Variants in POGK observed in about 807,000 individuals in gnomAD.
POGK encodes pogo transposable element derived with KRAB domain.
Under a neutral mutation model 54.4 loss-of-function variants are expected in POGK, and 16 were observed. The ratio of observed to expected loss-of-function variants is 0.29; its 90% CI spans 0.20 to 0.45. The LOEUF is 0.45. Ranked by LOEUF, POGK falls within the 20% of genes least tolerant of loss-of-function variation. The pLI is 1.00. For missense variants in POGK, 515 were observed against 795.6 expected (o/e 0.65, Z 4.24); for synonymous variants, 271 against 302.2 (o/e 0.90, Z 1.07).
Position 166,848,116 on chromosome 1 carries a change from G to A in POGK, c.358+524G>A, listed in dbSNP as rs532834566. Among the ~76,000 whole-genome samples, 3 of 152,280 alleles carry A rather than the reference G, an allele frequency of 2.0e-5. No homozygotes were observed. The East Asian group carries it at 5.8e-4, about 29-fold the overall frequency. On this transcript the variant is annotated intron_variant, in intron 4 of 5. Coordinates refer to ENST00000367876, the MANE Select transcript of POGK (RefSeq NM_017542.5). ...AATAAATATAGCATTGCCTCCAGAC[G>A]GCCAAAATAGTTTTATCTTTTCTCC...
chr1:166,839,670 G>C (rs1417499317), intron 1 of POGK, 66 bp downstream of exon 1: 1 of 141,966 alleles, frequency 7.0e-6, no homozygotes, highest in Admixed American at 6.9e-5. Flanking sequence ...CGGCTGGGCC[G>C]CGGCAGAGGC....
rs1237575821 is a variant in POGK at position 166,841,029 on chromosome 1, G to A, written c.73G>A (p.Glu25Lys). 1.2e-6 allele frequency: 2 copies of A among 1,613,926 alleles called. No homozygotes were observed. Among genetic ancestry groups the A allele is most frequent in the Non-Finnish European group, 1.7e-6 (2 of 1,180,008 alleles). ...AGAGGAAGAAGAGATTCAGAGCCGG[G>A]AACTAGAGGACGGCCCGGCAGACAT... ...EEEEEEIQSRELEDGPADMQK... is the reference protein window; with the variant it reads ...EEEEEEIQSRKLEDGPADMQK... The change falls in exon 2 of 6, where the codon GAA becomes AAA. Residue 25 changes from glutamate (E) to lysine (K), a missense_variant. Transcript: ENST00000367876.
chr1:166,854,842 T>C lies in POGK; in HGVS notation c.*2272T>C, dbSNP rs1366200462. On this transcript the variant is annotated 3_prime_UTR_variant, in exon 6 of 6. Transcript: ENST00000367876. The stretch of plus-strand genomic sequence containing the variant: ...TAAAATTAGTCCTGACAATTTACAG[T>C]GCCCATAAAGTAGTAGTTGATTCTC... The C allele has an allele frequency of 6.6e-6, 1 of 152,148 alleles. No homozygotes were observed. Among genetic ancestry groups the C allele is most frequent in the Non-Finnish European group, 1.5e-5 (1 of 68,036 alleles). 9.4% of individuals were successfully genotyped at this position (152,148 alleles called of 1,614,324 possible).
chr1:166,844,092 A>G (rs1657731892), intron 2 of POGK, among the ~76,000 whole-genome samples: 1 of 152,172 alleles, frequency 6.6e-6, no homozygotes, highest in Admixed American at 6.5e-5. Flanking sequence ...AAGCCACTAC[A>G]CTGTGCCTCT....
intron 2 of POGK, among the ~76,000 whole-genome samples, chr1:166,845,751 G>A (rs557618516): frequency 6.6e-6 from 1 of 152,318 alleles, no homozygotes; most frequent in East Asian, 1.9e-4. Context: ...GATTTTTAAT[G>A]ACTGTAATAA....
At chr1:166,844,134 C>T (rs574557838) in intron 2 of POGK, among the ~76,000 whole-genome samples, 5 of 152,342 alleles carry the variant, frequency 3.3e-5, no homozygotes, top group African/African-American at 1.2e-4. Flanking sequence ...TGAAGATCCT[C>T]CGTGGCTCAG....
rs1297761553 is a variant in POGK at position 166,853,394 on chromosome 1, A to T, written c.*824A>T. 6.6e-6 allele frequency: 1 copy of T among 152,564 alleles called. No homozygotes were observed. Among genetic ancestry groups the T allele is most frequent in the Admixed American group, 6.5e-5 (1 of 15,276 alleles). 9.5% of individuals were successfully genotyped at this position (152,564 alleles called of 1,614,324 possible). A position where few individuals can be genotyped will look rare whatever the true frequency, so the allele number is the denominator to read the frequency against. On this transcript the variant is annotated 3_prime_UTR_variant, in exon 6 of 6. Transcript: ENST00000367876. ...TTGTTTCTCAGGCTGCCTGCAGAAG[A>T]AGTCGCTATAAATTATCTGTTGTCT...
At chr1:166,850,769 C>T (rs1052162811) in intron 5 of POGK, 4 of 176,360 alleles carry the variant, frequency 2.3e-5, no homozygotes, top group Admixed American at 1.8e-4. Context: ...GGATCTGAGG[C>T]GGAACAGTTT....
chr1:166,852,218 C>G (rs182983802), intron 5 of POGK: 2 of 152,312 alleles, frequency 1.3e-5, no homozygotes, highest in East Asian at 3.9e-4. Context: ...GCTTTTCCCT[C>G]TCCTTGTTAG....
In POGK at chr1:166,854,445, A is replaced by G. The variant is rs1181024559; in HGVS notation, c.*1875A>G. 3 of 152,408 alleles carry G rather than the reference A, an allele frequency of 2.0e-5. No homozygotes were observed. The highest frequency in any genetic ancestry group is 6.6e-5 in the Admixed American group (1 of 15,264). The allele number at this position is 152,408 out of a possible 1,614,324, so 9.4% of individuals were successfully genotyped here. On this transcript the variant is annotated 3_prime_UTR_variant, in exon 6 of 6. Transcript: ENST00000367876. The stretch of plus-strand genomic sequence containing the variant: ...TCCCTAGTAGATAGGAACTGACCCC[A>G]ACAATAAACTTTGATAATAAAGACA...
rs1657973372 is a variant in POGK, at chr1:166,849,484, G to C, written c.905G>C (p.Gly302Ala). 2 of 1,614,130 alleles carry C rather than the reference G, an allele frequency of 1.2e-6. No individual in the cohort carries two copies. Among genetic ancestry groups the C allele is most frequent in the Non-Finnish European group, 1.7e-6 (2 of 1,180,052 alleles). Reference protein sequence around the residue: ...IAQEMNIPEKGFKASLGWCRR... With the variant: ...IAQEMNIPEKAFKASLGWCRR... ...CAGGAAATGAACATTCCAGAGAAAGGGTTCAAGGCAAGCTTGGGTTGGTGT... is the reference window on the plus strand; with the variant it reads ...CAGGAAATGAACATTCCAGAGAAAGCGTTCAAGGCAAGCTTGGGTTGGTGT... Residue 302 changes from glycine (G) to alanine (A), a missense_variant, in exon 5 of 6, where the codon GGG (glycine) becomes GCG (alanine). By Grantham distance (60) the Gly-to-Ala change is moderately conservative (BLOSUM62 0). Coordinates refer to ENST00000367876, the MANE Select transcript of POGK (RefSeq NM_017542.5).
intron 2 of POGK, among the ~76,000 whole-genome samples, chr1:166,845,145 C>T (rs1230447717): frequency 6.6e-6 from 1 of 152,008 alleles, no homozygotes; most frequent in African/African-American, 2.4e-5. Context: ...CGCAACCCCA[C>T]CATTTATTGG....
At chr1:166,851,123 T>C (rs926966101) in intron 5 of POGK, 4 of 152,186 alleles carry the variant, frequency 2.6e-5, no homozygotes, top group African/African-American at 9.6e-5. Flanking sequence ...AGCCAACTTT[T>C]TTCTTTCCCT....
rs1658200705 is a variant in POGK, at chr1:166,854,327, A to G, written c.*1757A>G. ...GGCTCATTCTTCCACTGACTTAATT[A>G]TGATCTATGCCTAACAGAGCCCCAG... is the stretch of plus-strand genomic sequence containing the variant. On this transcript the variant is annotated 3_prime_UTR_variant, in exon 6 of 6. Coordinates refer to ENST00000367876, the MANE Select transcript of POGK (RefSeq NM_017542.5). 1 of 152,592 alleles carries G rather than the reference A, an allele frequency of 6.6e-6. No homozygotes were observed. The highest frequency in any genetic ancestry group is 2.4e-5 in the African/African-American group (1 of 41,438). 9.5% of individuals were successfully genotyped at this position (152,592 alleles called of 1,614,324 possible).
Position 166,850,210 on chromosome 1 carries a change from T to C in POGK, c.1631T>C (p.Leu544Pro). 6.4e-7 allele frequency: 1 copy of C among 1,554,852 alleles called. No individual in the cohort carries two copies. Among genetic ancestry groups the C allele is most frequent in the South Asian group, 1.2e-5 (1 of 84,552 alleles). ...ACCGGGAATGCTAAGAAGCCACCCCTGGGCCTCTTTCTGGAGTGGGTCATG... is the reference window on the plus strand; with the variant it reads ...ACCGGGAATGCTAAGAAGCCACCCCCGGGCCTCTTTCTGGAGTGGGTCATG... ...SPTGNAKKPP[L>P]GLFLEWVMVA... The change falls in exon 5 of 6, where the codon CTG becomes CCG. Residue 544 changes from leucine (L) to proline (P), a missense_variant. Around this residue, in one of 2 missense-constraint regions of POGK, gnomAD observed 461 missense variants for 743.5 expected, o/e 0.62. Transcript: ENST00000367876.
Position 166,855,953 on chromosome 1 carries a change from C to T in POGK, c.*3383C>T, listed in dbSNP as rs1307054907. ...CTAAAAATTCTTACGTAGTTTCTCA[C>T]CTAAAACTAATGGCTTGTGCCAAGA... On this transcript the variant is annotated 3_prime_UTR_variant, in exon 6 of 6. Coordinates refer to ENST00000367876, the MANE Select transcript of POGK (RefSeq NM_017542.5). The T allele has an allele frequency of 6.6e-6, 1 of 152,208 alleles. No homozygotes were observed. The highest frequency in any genetic ancestry group is 2.4e-5 in the African/African-American group (1 of 41,452). The allele number at this position is 152,208 out of a possible 1,614,324, so 9.4% of individuals were successfully genotyped here.
At position 166,850,232 on chromosome 1, in the gene POGK, C is replaced by T; in HGVS notation, c.1653C>T (p.Val551=). Residue 551 remains valine, a synonymous_variant, in exon 5 of 6, where the codon GTC becomes GTT. Coordinates refer to ENST00000367876, the MANE Select transcript of POGK (RefSeq NM_017542.5). ...CCCTGGGCCTCTTTCTGGAGTGGGTCATGGTCGCGTGGAATAGCATCTCAA... is the reference window on the plus strand; with the variant it reads ...CCCTGGGCCTCTTTCTGGAGTGGGTTATGGTCGCGTGGAATAGCATCTCAA... ...KPPLGLFLEW[V]MVAWNSISSE... The T allele has an allele frequency of 1.3e-6, 2 of 1,556,368 alleles. No individual in the cohort carries two copies. Among genetic ancestry groups the T allele is most frequent in the Non-Finnish European group, 1.7e-6 (2 of 1,149,396 alleles).
At chr1:166,842,824 A>G (rs1657567863) in intron 2 of POGK, among the ~76,000 whole-genome samples, 1 of 152,114 alleles carries the variant, frequency 6.6e-6, no homozygotes, top group Admixed American at 6.5e-5. Context: ...TCTACAGTGC[A>G]CAGGATGCCC....
At position 166,849,164 on chromosome 1, in the gene POGK, C is replaced by T; in HGVS notation, c.585C>T (p.Gly195=). ...CTGGGAAGTTTCAGTTCAGCCGGGG[C>T]ATGCGCCGCAGTTACGACGCAGGGT... ...DIAGKFQFSR[G]MRRSYDAGFK... The change falls in exon 5 of 6, where the codon GGC becomes GGT. Residue 195 remains glycine (G), a synonymous_variant. Coordinates refer to ENST00000367876, the MANE Select transcript of POGK (RefSeq NM_017542.5). 4 of 1,614,236 alleles carry T rather than the reference C, an allele frequency of 2.5e-6. No individual in the cohort carries two copies. Among genetic ancestry groups the T allele is most frequent in the Non-Finnish European group, 3.4e-6 (4 of 1,180,044 alleles).
Sources: allele counts gnomAD v4.1 joint callset (sites outside exome capture counted in the v4.1 genomes callset), GRCh38; gene constraint gnomAD v4.1.1; regional missense constraint gnomAD v4.1.1; transcripts MANE v1.5; gene names NCBI Gene and HGNC (gene_info 2026-07-23, HGNC 2026-07-21).